The following C7 variants were observed in gnomAD, a reference collection of about 807,000 sequenced individuals.
C7 encodes complement C7.
In C7, 83 loss-of-function variants were observed where a neutral mutation model predicts 104.8. The ratio of observed to expected loss-of-function variants is 0.79; its 90% CI spans 0.66 to 0.95. The LOEUF is 0.95. C7 is among the 40% of genes least tolerant of loss of function. The probability of loss-of-function intolerance (pLI) is 0.00; values close to 1 mark genes in which losing one functional copy is unlikely to be tolerated. For missense variants in C7, 1,070 were observed against 1,011.2 expected (o/e 1.06, Z -0.79); for synonymous variants, 415 against 360.6 (o/e 1.15, Z -1.71).
rs919328434 is a variant in C7, at chr5:40,965,822, T to C, written c.1882+949T>C. Among the ~76,000 whole-genome samples the C allele has an allele frequency of 5.3e-5, 8 of 151,800 alleles. No homozygotes were observed. In the South Asian group the frequency reaches 1.5e-3, roughly 28 times the overall value. On this transcript the variant is annotated intron_variant, in intron 14 of 17. Coordinates refer to ENST00000313164, the MANE Select transcript of C7 (RefSeq NM_000587.4). ...ACACTCTGCTAATTTTTTGTATTTT[T>C]AGTAGAGACAGGGTTTCACTATGTT...
intron 11 of C7, among the ~76,000 whole-genome samples, chr5:40,958,903 A>G (rs1180589806): frequency 6.6e-6 from 1 of 152,204 alleles, no homozygotes; most frequent in African/African-American, 2.4e-5. Context: ...GGCTTGATTC[A>G]TAGAAGTCAC....
At chr5:40,953,226 T>C (rs771486353) in intron 9 of C7, among the ~76,000 whole-genome samples, 1 of 152,172 alleles carries the variant, frequency 6.6e-6, no homozygotes, top group East Asian at 1.9e-4. Flanking sequence ...TGTTCTCATA[T>C]GTGAGGGTTA....
intron 6 of C7, among the ~76,000 whole-genome samples, chr5:40,939,892 A>G (rs552252803): frequency 7.7e-4 from 118 of 152,342 alleles, no homozygotes; most frequent in African/African-American, 2.7e-3. Context: ...TTAGATTGAC[A>G]ACTGAAATGC....
chr5:40,976,927 G>T, intron 16 of C7, 87 bp downstream of exon 16: 2 of 1,026,834 alleles, frequency 1.9e-6, no homozygotes, highest in Non-Finnish European at 2.9e-6. Flanking sequence ...TTGGATGGAA[G>T]GTGTAGCTTA....
chr5:40,924,865 ACC>A (rs2111632113), intron 1 of C7, among the ~76,000 whole-genome samples: 1 of 152,210 alleles, frequency 6.6e-6, no homozygotes, highest in East Asian at 1.9e-4. Context: ...GGGCAGCAAG[ACC>A]CTGGGCCTGG....
intron 14 of C7, among the ~76,000 whole-genome samples, chr5:40,969,222 C>A (rs949252289): frequency 2.6e-5 from 4 of 151,588 alleles, no homozygotes; most frequent in African/African-American, 9.7e-5. Flanking sequence ...GTGTAATAAG[C>A]AAATCAGAGT....
At position 40,972,439 on chromosome 5, in the gene C7, TAC is replaced by T. The variant is rs1740720346; in HGVS notation, c.1921_1922del (p.Gln641GlufsTer12). 1 of 1,613,940 alleles carries T rather than the reference TAC, an allele frequency of 6.2e-7. No homozygotes were observed. Among genetic ancestry groups the T allele is most frequent in the East Asian group, 2.2e-5 (1 of 44,888 alleles). On this transcript the variant is annotated frameshift_variant, in exon 15 of 18. Transcript: ENST00000313164. LOFTEE classifies it high-confidence loss of function. ...GTTCTACCTGTACTGATGGATGGCATACAGAGTCACCCCCAAAAACCTTTCTA... is the reference window on the plus strand; with the variant it reads ...GTTCTACCTGTACTGATGGATGGCATAGAGTCACCCCCAAAAACCTTTCTA...
intron 13 of C7, 46 bp downstream of exon 13, chr5:40,962,218 T>A: frequency 8.8e-7 from 1 of 1,133,988 alleles, no homozygotes. Flanking sequence ...CTCTAACTTC[T>A]ATCTCTCTGC....
chr5:40,957,766 T>C (rs1740324788), intron 10 of C7, among the ~76,000 whole-genome samples: 1 of 54,546 alleles, frequency 1.8e-5, no homozygotes, highest in Non-Finnish European at 4.1e-5. Context: ...TGGTTTTTTT[T>C]TGTTTTTTTT....
intron 1 of C7, among the ~76,000 whole-genome samples, chr5:40,909,908 C>T (rs529481810): frequency 4.0e-5 from 6 of 148,372 alleles, no homozygotes; most frequent in South Asian, 4.5e-4. Context: ...ATGAAAGTCC[C>T]GATAAAGTCA....
At chr5:40,943,544 C>G (rs1027033513) in intron 6 of C7, among the ~76,000 whole-genome samples, 4 of 149,856 alleles carry the variant, frequency 2.7e-5, no homozygotes, top group Non-Finnish European at 4.4e-5. Context: ...GATATAAAGA[C>G]AGGCGGAAAT....
chr5:40,956,365 A>G (rs1354635065), intron 10 of C7, among the ~76,000 whole-genome samples: 8 of 152,216 alleles, frequency 5.3e-5, no homozygotes, highest in Admixed American at 3.3e-4. Context: ...AGACATGAAC[A>G]GTATAGTTTA....
At chr5:40,925,097 G>T (rs1008493042) in intron 1 of C7, among the ~76,000 whole-genome samples, 5 of 152,114 alleles carry the variant, frequency 3.3e-5, no homozygotes, top group Admixed American at 2.6e-4. Context: ...GCGTGGCCAG[G>T]CTGCAGATTT....
At chr5:40,959,740 A>ACAAAGCAGTCC in intron 12 of C7, 120 bp downstream of exon 12, 1 of 776,722 alleles carries the variant, frequency 1.3e-6, no homozygotes, top group Non-Finnish European at 2.0e-6. Flanking sequence ...TTTACCAGGG[A>ACAAAGCAGTCC]CTGCTTTGTC....
intron 1 of C7, among the ~76,000 whole-genome samples, chr5:40,924,535 G>T (rs980367767): frequency 4.6e-5 from 7 of 152,196 alleles, no homozygotes; most frequent in Non-Finnish European, 1.5e-5. Flanking sequence ...CTCCAGTGGG[G>T]ACTGTGTGGG....
At chr5:40,959,678 C>T in intron 12 of C7, 58 bp downstream of exon 12, 1 of 1,258,062 alleles carries the variant, frequency 7.9e-7, no homozygotes, top group Non-Finnish European at 1.1e-6. Context: ...CTGCAGTTAG[C>T]ATGGAACACA....
chr5:40,947,131 A>C, intron 7 of C7, among the ~76,000 whole-genome samples: 2 of 135,492 alleles, frequency 1.5e-5, no homozygotes, highest in African/African-American at 5.6e-5. Context: ...ATTGGGTCTC[A>C]CTCTGTTACC....
chr5:40,944,448 T>C (rs1167728086), intron 6 of C7, among the ~76,000 whole-genome samples: 1 of 152,236 alleles, frequency 6.6e-6, no homozygotes, highest in African/African-American at 2.4e-5. Context: ...GTGTCCCTTT[T>C]AGACAGGGTA....
At chr5:40,921,517 T>G (rs1013839083) in intron 1 of C7, among the ~76,000 whole-genome samples, 2 of 151,770 alleles carry the variant, frequency 1.3e-5, no homozygotes, top group Admixed American at 6.6e-5. Flanking sequence ...ATAATAACAG[T>G]GCTGGAGGTA....
Sources: allele counts gnomAD v4.1 joint callset (sites outside exome capture counted in the v4.1 genomes callset), GRCh38; gene constraint gnomAD v4.1.1; transcripts MANE v1.5; gene names NCBI Gene and HGNC (gene_info 2026-07-23, HGNC 2026-07-21).